The following OIP5 variants were observed in gnomAD, a reference collection of about 807,000 sequenced individuals.
The protein encoded by OIP5 is Opa interacting protein 5.
Under a neutral mutation model 20.3 loss-of-function variants are expected in OIP5, and 24 were observed. That is an observed-to-expected ratio of 1.18 (90% CI 0.86 to 1.66). OIP5 has a LOEUF of 1.66. Ranked by LOEUF, OIP5 falls within the 40% of genes most tolerant of loss-of-function variation. OIP5 has a pLI of 0.00. For synonymous variants in OIP5, 143 were observed against 121.3 expected (o/e 1.18, Z -1.17); for missense variants, 339 against 289.5 (o/e 1.17, Z -1.24).
At chr15:41,329,644 A>C (rs28526381) in intron 2 of OIP5, among the ~76,000 whole-genome samples, 57,548 of 151,568 alleles carry the variant, frequency 0.38, 12,036 homozygotes, top group African/African-American at 0.57. Flanking sequence ...GCATCTAAAC[A>C]AGCATTGTCT....
chr15:41,314,371 G>C (rs916921491), intron 3 of OIP5, among the ~76,000 whole-genome samples: 2 of 152,142 alleles, frequency 1.3e-5, no homozygotes, highest in Non-Finnish European at 2.9e-5. Flanking sequence ...CAAAGTGCTG[G>C]GATTATAGGC....
chr15:41,325,783 G>A (rs1241238551), intron 2 of OIP5, among the ~76,000 whole-genome samples: 1 of 149,142 alleles, frequency 6.7e-6, no homozygotes, highest in African/African-American at 2.5e-5. Flanking sequence ...CCGGGATGTG[G>A]AGGTTGCAGT....
intron 2 of OIP5, among the ~76,000 whole-genome samples, chr15:41,331,529 G>C (rs2047913353): frequency 6.6e-6 from 1 of 152,318 alleles, no homozygotes; most frequent in Admixed American, 6.5e-5. Flanking sequence ...GGGCTGTAGT[G>C]AGCTATGAGC....
intron 2 of OIP5, among the ~76,000 whole-genome samples, chr15:41,320,227 T>A (rs929818310): frequency 6.6e-6 from 1 of 152,120 alleles, no homozygotes; most frequent in Non-Finnish European, 1.5e-5. Flanking sequence ...TTTGCTTATA[T>A]TAAAAAAGAA....
At chr15:41,309,988 A>C (rs1287491621) in intron 4 of OIP5, 139 bp from the exon 5 acceptor site, 1 of 565,142 alleles carries the variant, frequency 1.8e-6, no homozygotes, top group Non-Finnish European at 3.1e-6. Context: ...TCCTGCTCTC[A>C]AGTGATCCTC....
At chr15:41,328,193 TTTTG>T (rs1194604052) in intron 2 of OIP5, among the ~76,000 whole-genome samples, 2 of 152,220 alleles carry the variant, frequency 1.3e-5, no homozygotes, top group African/African-American at 2.4e-5. Flanking sequence ...AGATATTTTG[TTTTG>T]TTTTAGAGAT....
rs575727590 is a variant in OIP5 at position 41,323,400 on chromosome 15, A to G, written c.390-3620T>C. ...AGATCCATCAGAGGAATAACTATCT[A>G]TAGTAGCTATAGATAGTAATAGTAA... On this transcript the variant is annotated intron_variant, in intron 2 of 4. Coordinates refer to ENST00000220514, the MANE Select transcript of OIP5 (RefSeq NM_007280.2). Among the ~76,000 whole-genome samples, 3 of 152,318 alleles carry G rather than the reference A, an allele frequency of 2.0e-5. No individual in the cohort carries two copies. The East Asian group carries it at 5.8e-4, about 29-fold the overall frequency.
intron 4 of OIP5, among the ~76,000 whole-genome samples, chr15:41,310,946 A>C (rs1258837913): frequency 2.6e-5 from 4 of 152,206 alleles, no homozygotes; most frequent in South Asian, 2.1e-4. Flanking sequence ...CATGAAATTT[A>C]GTGTTGTTAC....
At chr15:41,316,088 A>C (rs1474320476) in intron 3 of OIP5, among the ~76,000 whole-genome samples, 7 of 152,126 alleles carry the variant, frequency 4.6e-5, no homozygotes, top group Admixed American at 4.6e-4. Context: ...AGATGGTGCC[A>C]CTGCACTCCA....
intron 4 of OIP5, 55 bp downstream of exon 4, chr15:41,313,218 G>A (rs2047769744): frequency 9.5e-7 from 1 of 1,057,630 alleles, no homozygotes. Flanking sequence ...ATTGGTAGAA[G>A]TTATCAAGAG....
chr15:41,314,310 G>C (rs926784744), intron 3 of OIP5, among the ~76,000 whole-genome samples: 3 of 152,056 alleles, frequency 2.0e-5, no homozygotes, highest in South Asian at 4.1e-4. Context: ...CCATGTTGGC[G>C]AGGCTGGTCT....
chr15:41,324,801 C>T (rs1190510013), intron 2 of OIP5, among the ~76,000 whole-genome samples: 1 of 151,902 alleles, frequency 6.6e-6, no homozygotes. Context: ...CATTTTTTTT[C>T]TTCATATTCA....
At chr15:41,310,023 G>C (rs1010314936) in intron 4 of OIP5, among the ~76,000 whole-genome samples, 174 bp from the exon 5 acceptor site, 1 of 152,162 alleles carries the variant, frequency 6.6e-6, no homozygotes, top group Non-Finnish European at 1.5e-5. Context: ...TGATTAGCTA[G>C]GACTACAGTC....
At chr15:41,324,187 A>C (rs1400965867) in intron 2 of OIP5, among the ~76,000 whole-genome samples, 1 of 150,470 alleles carries the variant, frequency 6.6e-6, no homozygotes, top group Non-Finnish European at 1.5e-5. Flanking sequence ...TAGAGACAGC[A>C]TTTCACCATG....
chr15:41,315,141 T>G (rs369856170), intron 3 of OIP5, among the ~76,000 whole-genome samples: 1 of 150,962 alleles, frequency 6.6e-6, no homozygotes, highest in East Asian at 1.9e-4. Context: ...TTAAGAAAAT[T>G]TATGCTGGCG....
chr15:41,319,965 G>T (rs2047812637), intron 2 of OIP5, among the ~76,000 whole-genome samples, 185 bp from the exon 3 acceptor site: 1 of 152,144 alleles, frequency 6.6e-6, no homozygotes, highest in Non-Finnish European at 1.5e-5. Flanking sequence ...ATTACATGCT[G>T]GATTGCGGAT....
At chr15:41,321,252 G>A (rs1383974469) in intron 2 of OIP5, among the ~76,000 whole-genome samples, 1 of 148,510 alleles carries the variant, frequency 6.7e-6, no homozygotes, top group Admixed American at 6.6e-5. Flanking sequence ...AGGGAGGTGG[G>A]GTGGTCCAGC....
At chr15:41,321,928 T>C (rs28499079) in intron 2 of OIP5, among the ~76,000 whole-genome samples, 1 of 60,862 alleles carries the variant, frequency 1.6e-5, no homozygotes, top group African/African-American at 1.1e-4. Flanking sequence ...AATAAAAAAA[T>C]AAATAAATAA....
At chr15:41,329,850 G>A (rs2047885995) in intron 2 of OIP5, among the ~76,000 whole-genome samples, 2 of 151,636 alleles carry the variant, frequency 1.3e-5, no homozygotes, top group Middle Eastern at 3.2e-3. Context: ...ACAGGCGCCC[G>A]CCACCACGCC....
Sources: gnomAD v4.1 joint callset for allele counts (sites outside exome capture counted in the v4.1 genomes callset) on GRCh38, gnomAD v4.1.1 for gene constraint, MANE v1.5 for transcripts, NCBI Gene and HGNC (gene_info 2026-07-23, HGNC 2026-07-21) for gene names.